Variants in SCN11A observed in about 807,000 individuals in gnomAD.
SCN11A encodes sodium channel protein type 11 subunit alpha.
Under a neutral mutation model 162.2 loss-of-function variants are expected in SCN11A, and 122 were observed. That is an observed-to-expected ratio of 0.75 (90% CI 0.65 to 0.87). The LOEUF is 0.87. Among genes scored for constraint, SCN11A ranks in the 40% least tolerant of loss-of-function variants. The pLI, the probability that SCN11A is intolerant of heterozygous loss-of-function variation, is 0.00. For missense variants in SCN11A, 2,015 were observed against 2,181.6 expected (o/e 0.92, Z 1.52); for synonymous variants, 758 against 751.5 (o/e 1.01, Z -0.14).
chr3:38,976,715 G>A (rs2066852028), intron 2 of SCN11A, among the ~76,000 whole-genome samples: 1 of 152,072 alleles, frequency 6.6e-6, no homozygotes, highest in South Asian at 2.1e-4. Flanking sequence ...CAAAGCTCCA[G>A]GCATCATATA....
intron 29 of SCN11A, among the ~76,000 whole-genome samples, chr3:38,848,014 G>A (rs189261914): frequency 7.4e-4 from 113 of 152,328 alleles, no homozygotes; most frequent in Middle Eastern, 6.8e-3. Flanking sequence ...CAGCTTATCT[G>A]CTGAAAGAGC....
At chr3:38,934,166 G>C (rs1212266768) in intron 7 of SCN11A, among the ~76,000 whole-genome samples, 2 of 152,206 alleles carry the variant, frequency 1.3e-5, no homozygotes, top group African/African-American at 4.8e-5. Context: ...TTACAGACAA[G>C]CAAATGCTGA....
chr3:38,900,180 T>G lies in SCN11A; in HGVS notation c.1843-107A>C, dbSNP rs1010257436. 22 of 798,732 alleles carry G rather than the reference T, an allele frequency of 2.8e-5. No homozygotes were observed. In the East Asian group the frequency reaches 5.9e-4, roughly 21 times the overall value. The allele number at this position is 798,732 out of a possible 1,614,324, so 49.5% of individuals were successfully genotyped here. Reference sequence around the variant, plus strand: ...TACAATGAAATGAAAAGTATTCTCATGATTGACACACTATACCCTAAAGTC... The same window carrying G: ...TACAATGAAATGAAAAGTATTCTCAGGATTGACACACTATACCCTAAAGTC... On this transcript the variant is annotated intron_variant, in intron 16 of 29. Transcript: ENST00000302328.
At position 38,870,756 on chromosome 3, in the gene SCN11A, G is replaced by GC. The variant is rs1559497598; in HGVS notation, c.3760-13dup. The GC allele has an allele frequency of 6.2e-7, 1 of 1,610,998 alleles. No homozygotes were observed. The highest frequency in any genetic ancestry group is 8.5e-7 in the Non-Finnish European group (1 of 1,177,434). On this transcript the variant is annotated splice_polypyrimidine_tract_variant and intron_variant, in intron 25 of 29. Coordinates refer to ENST00000302328, the MANE Select transcript of SCN11A (RefSeq NM_001349253.2). ...CCCTTAAATGTTGCCTGCAACAAAAGCAGAAAAACATGAATAATACAAATG... is the reference window on the plus strand; with the variant it reads ...CCCTTAAATGTTGCCTGCAACAAAAGCCAGAAAAACATGAATAATACAAATG...
At chr3:38,872,589 T>A (rs1377580175) in intron 23 of SCN11A, among the ~76,000 whole-genome samples, 1 of 152,222 alleles carries the variant, frequency 6.6e-6, no homozygotes, top group African/African-American at 2.4e-5. Context: ...TGGCAGTCAA[T>A]TGAAATTTAT....
chr3:38,867,304 A>G lies in SCN11A; in HGVS notation c.3951+17T>C, dbSNP rs755401180. 3.1e-6 allele frequency: 5 copies of G among 1,606,678 alleles called. No individual in the cohort carries two copies. The East Asian group carries it at 1.1e-4, about 36-fold the overall frequency. On this transcript the variant is annotated intron_variant, in intron 27 of 29. Coordinates refer to ENST00000302328, the MANE Select transcript of SCN11A (RefSeq NM_001349253.2). ...ACAGAGATAAAATTACCAAATCAAG[A>G]CAACCCAGATACTTATCTTTTTCTG...
At chr3:38,948,594 T>A (rs2125575531) in intron 5 of SCN11A, among the ~76,000 whole-genome samples, 1 of 152,346 alleles carries the variant, frequency 6.6e-6, no homozygotes, top group Admixed American at 6.5e-5. Flanking sequence ...GGTTTCCTCA[T>A]CTGTAAGGTA....
At chr3:39,027,480 T>C (rs888928198) in intron 2 of SCN11A, among the ~76,000 whole-genome samples, 5 of 152,132 alleles carry the variant, frequency 3.3e-5, no homozygotes, top group Admixed American at 6.5e-5. Flanking sequence ...CTTTTGTAAA[T>C]TGGAAGCTCA....
chr3:39,001,291 C>G (rs2030804153), intron 2 of SCN11A, among the ~76,000 whole-genome samples: 3 of 152,246 alleles, frequency 2.0e-5, no homozygotes, highest in African/African-American at 7.2e-5. Flanking sequence ...TCCATTCTCT[C>G]CAGTCCCCAG....
chr3:38,869,771 C>A (rs2065096069), intron 26 of SCN11A, among the ~76,000 whole-genome samples: 1 of 152,170 alleles, frequency 6.6e-6, no homozygotes, highest in Non-Finnish European at 1.5e-5. Context: ...ACATAACATG[C>A]AAAGGTCATG....
intron 7 of SCN11A, among the ~76,000 whole-genome samples, chr3:38,944,233 C>A (rs1197183490): frequency 6.6e-6 from 1 of 152,194 alleles, no homozygotes; most frequent in African/African-American, 2.4e-5. Flanking sequence ...TTAGAATACA[C>A]TGCTGATGGC....
intron 2 of SCN11A, among the ~76,000 whole-genome samples, chr3:39,000,515 T>A (rs2030776609): frequency 6.6e-6 from 1 of 152,142 alleles, no homozygotes; most frequent in African/African-American, 2.4e-5. Context: ...CGTTCTCAAC[T>A]CCCCCCTCCC....
At chr3:38,883,131 G>A in intron 22 of SCN11A, 102 bp downstream of exon 22, 1 of 1,020,038 alleles carries the variant, frequency 9.8e-7, no homozygotes, top group Non-Finnish European at 1.4e-6. Context: ...GACCACTTCT[G>A]TCTGGTCTCC....
At position 38,958,281 on chromosome 3, in the gene SCN11A, G is replaced by A. The variant is rs551182801; in HGVS notation, c.-139+2002C>T. 2.0e-5 allele frequency among the ~76,000 whole-genome samples: 3 copies of A among 151,856 alleles called. No homozygotes were observed. The South Asian group carries it at 6.3e-4, about 32-fold the overall frequency. On this transcript the variant is annotated intron_variant, in intron 3 of 29. Coordinates refer to ENST00000302328, the MANE Select transcript of SCN11A (RefSeq NM_001349253.2). ...AATATGATGGGAGAGTGAGGGCAGG[G>A]ATTTCTCTTCCAGCTTTCCCCTGAT...
At chr3:38,867,534 GA>G in intron 26 of SCN11A, 76 bp from the exon 27 acceptor site, 6 of 1,125,512 alleles carry the variant, frequency 5.3e-6, no homozygotes, top group Non-Finnish European at 7.7e-6. Flanking sequence ...ACCTTATCTA[GA>G]AGACCAAGGT....
In SCN11A at chr3:38,997,313, C is replaced by T. The variant is rs114653365; in HGVS notation, c.-280+35067G>A. ...TCCTGGGACAAACCAGGATGCTCTC[C>T]TCTTAGGGTTCTGGCCCTGGCCATC... On this transcript the variant is annotated intron_variant, in intron 2 of 29. Transcript: ENST00000302328. Among the ~76,000 whole-genome samples, 1,223 of 152,336 alleles carry T rather than the reference C, an allele frequency of 8.0e-3. 20 individuals are homozygous for T. Among genetic ancestry groups the T allele is most frequent in the African/African-American group, 0.028 (1,176 of 41,570 alleles).
At chr3:38,870,659 A>G in intron 26 of SCN11A, 32 bp downstream of exon 26, 1 of 1,591,160 alleles carries the variant, frequency 6.3e-7, no homozygotes, top group Non-Finnish European at 8.6e-7. Flanking sequence ...CTTGACCATA[A>G]CACTCCAGAA....
At chr3:38,988,341 A>T (rs2030334520) in intron 2 of SCN11A, among the ~76,000 whole-genome samples, 1 of 152,008 alleles carries the variant, frequency 6.6e-6, no homozygotes, top group African/African-American at 2.4e-5. Flanking sequence ...TCATTCTCTG[A>T]GCCTAGGCAA....
intron 7 of SCN11A, among the ~76,000 whole-genome samples, chr3:38,932,290 C>A (rs112464260): frequency 2.6e-5 from 4 of 152,158 alleles, no homozygotes; most frequent in Non-Finnish European, 4.4e-5. Context: ...CCAGCGTGAG[C>A]GACGCAGAAG....
Sources: gnomAD v4.1 joint callset for allele counts (sites outside exome capture counted in the v4.1 genomes callset) on GRCh38, gnomAD v4.1.1 for gene constraint, MANE v1.5 for transcripts, NCBI Gene and HGNC (gene_info 2026-07-23, HGNC 2026-07-21) for gene names.